Variants in TRPM4 observed in about 807,000 individuals in gnomAD.
The protein encoded by TRPM4 is calcium-activated non-selective cation channel 1.
TRPM4 carries 124 observed loss-of-function variants against 135.6 expected under a neutral mutation model. The observed-to-expected ratio is 0.91, with a 90% confidence interval of 0.79 to 1.06. TRPM4 has a LOEUF of 1.06. TRPM4 is among the 50% of genes least tolerant of loss of function. The probability of loss-of-function intolerance (pLI) is 0.00; values close to 1 mark genes in which losing one functional copy is unlikely to be tolerated. For synonymous variants in TRPM4, 745 were observed against 705.6 expected, an observed-to-expected ratio of 1.06 and a Z score of -0.88; for missense variants, 1,658 against 1,671.4, an observed-to-expected ratio of 0.99 and a Z score of 0.14.
At chr19:49,181,848 C>G (rs973378708) in intron 10 of TRPM4, among the ~76,000 whole-genome samples, 3 of 151,924 alleles carry the variant, frequency 2.0e-5, no homozygotes, top group African/African-American at 4.8e-5. Flanking sequence ...CCTTCTTAGA[C>G]GCCCCTCAAC....
chr19:49,200,868 A>T (rs1968903934), intron 19 of TRPM4, 83 bp downstream of exon 19: 1 of 1,450,576 alleles, frequency 6.9e-7, no homozygotes, highest in African/African-American at 1.4e-5. Flanking sequence ...CTCTAAGAAA[A>T]TATCTGTCTC....
chr19:49,208,956 CA>C (rs35021741), intron 20 of TRPM4, among the ~76,000 whole-genome samples: 3,542 of 103,896 alleles, frequency 0.034, 34 homozygotes, highest in Non-Finnish European at 0.041. Flanking sequence ...AAGACTCCAT[CA>C]AAAAAAAAAA....
At chr19:49,167,740 G>T in intron 3 of TRPM4, 177 bp from the exon 4 acceptor site, 1 of 594,456 alleles carries the variant, frequency 1.7e-6, no homozygotes, top group Admixed American at 2.5e-5. Flanking sequence ...CTCTCTCTGG[G>T]TCTCTGTCCC....
At chr19:49,182,443 T>TCCATCCAC in intron 10 of TRPM4, 135 bp from the exon 11 acceptor site, 1 of 686,342 alleles carries the variant, frequency 1.5e-6, no homozygotes, top group Admixed American at 2.1e-5. Context: ...CATTCATCCA[T>TCCATCCAC]CCATCCACCC....
intron 3 of TRPM4, among the ~76,000 whole-genome samples, chr19:49,167,378 C>T (rs1166109854): frequency 4.3e-5 from 5 of 116,060 alleles, no homozygotes; most frequent in Admixed American, 1.6e-4. Context: ...TCTCTGTCCC[C>T]GTCTCTCCGG....
Position 49,211,809 on chromosome 19 carries a change from C to T in TRPM4, c.*311C>T. ...CCTCACCACTCACAGATTCCTCACACTGGGGAAATAAAGCCATTTCAGAGG... is the reference window on the plus strand; with the variant it reads ...CCTCACCACTCACAGATTCCTCACATTGGGGAAATAAAGCCATTTCAGAGG... On this transcript the variant is annotated 3_prime_UTR_variant, in exon 25 of 25. Transcript: ENST00000252826. This position sits in a 1 kb window ranked among gnomAD's most constrained non-coding sequence, Gnocchi z 4.8. 1 of 502,732 alleles carries T rather than the reference C, an allele frequency of 2.0e-6. No individual in the cohort carries two copies. 31.1% of individuals were successfully genotyped at this position (502,732 alleles called of 1,614,324 possible).
At chr19:49,182,952 C>T (rs763560312) in intron 11 of TRPM4, 30 bp downstream of exon 11, 1 of 1,582,310 alleles carries the variant, frequency 6.3e-7, no homozygotes, top group Non-Finnish European at 8.6e-7. Flanking sequence ...GGGGGGCCCC[C>T]CCGCGCGGGA....
intron 12 of TRPM4, among the ~76,000 whole-genome samples, chr19:49,188,019 G>T (rs1968263089): frequency 6.6e-6 from 1 of 152,144 alleles, no homozygotes; most frequent in South Asian, 2.1e-4. Flanking sequence ...GGAGCAATTG[G>T]GGGAGCCAGA....
chr19:49,210,101 T>C lies in TRPM4; in HGVS notation c.3132-108T>C. ...AACCTCTGACTTTAGTGATCTTGAC[T>C]TCTGTCTGCTGCTATAGACTGAACA... On this transcript the variant is annotated intron_variant, in intron 20 of 24. Transcript: ENST00000252826. The surrounding 1 kb of genome is among the most constrained non-coding windows in gnomAD (Gnocchi z 4.1). 4 of 1,196,668 alleles carry C rather than the reference T, an allele frequency of 3.3e-6. No homozygotes were observed. Among genetic ancestry groups the C allele is most frequent in the Non-Finnish European group, 5.0e-6 (4 of 800,892 alleles). The allele number at this position is 1,196,668 out of a possible 1,614,324, so 74.1% of individuals were successfully genotyped here.
At position 49,190,205 on chromosome 19, in the gene TRPM4, C is replaced by T; in HGVS notation, c.2020-3C>T. The T allele has an allele frequency of 6.2e-7, 1 of 1,613,208 alleles. No individual in the cohort carries two copies. The highest frequency in any genetic ancestry group is 8.5e-7 in the Non-Finnish European group (1 of 1,179,154). Reference sequence around the variant, plus strand: ...GGATCCTAATCCTTCCCACCCCCCACAGTCTCTGCTGACACAGAAGTGGTG... The same window carrying T: ...GGATCCTAATCCTTCCCACCCCCCATAGTCTCTGCTGACACAGAAGTGGTG... On this transcript the variant is annotated splice_region_variant and splice_polypyrimidine_tract_variant and intron_variant, in intron 14 of 24. Coordinates refer to ENST00000252826, the MANE Select transcript of TRPM4 (RefSeq NM_017636.4).
chr19:49,210,694 C>T lies in TRPM4; in HGVS notation c.3329-16C>T. ...GGGGCGTGGCCTGAGCCCTTTGACT[C>T]CGCCCGCCCCTGCAGGGGTTTACCT... is the stretch of plus-strand genomic sequence containing the variant. On this transcript the variant is annotated splice_polypyrimidine_tract_variant and intron_variant, in intron 21 of 24. Coordinates refer to ENST00000252826, the MANE Select transcript of TRPM4 (RefSeq NM_017636.4). The surrounding 1 kb of genome is among the most constrained non-coding windows in gnomAD (Gnocchi z 4.1). 6.2e-7 allele frequency: 1 copy of T among 1,613,798 alleles called. No homozygotes were observed. Among genetic ancestry groups the T allele is most frequent in the Non-Finnish European group, 8.5e-7 (1 of 1,179,976 alleles).
At chr19:49,161,328 T>C (rs1349479671) in intron 2 of TRPM4, among the ~76,000 whole-genome samples, 4 of 85,878 alleles carry the variant, frequency 4.7e-5, no homozygotes, top group East Asian at 2.2e-4. Flanking sequence ...TCTCTCTTTT[T>C]TTTTTTTTTT....
At chr19:49,194,258 C>T (rs1305018836) in intron 16 of TRPM4, among the ~76,000 whole-genome samples, 1 of 152,034 alleles carries the variant, frequency 6.6e-6, no homozygotes, top group Non-Finnish European at 1.5e-5. Context: ...TTCTCCTTCT[C>T]CTTTCTTCTT....
intron 20 of TRPM4, among the ~76,000 whole-genome samples, chr19:49,202,971 A>T (rs1036179657): frequency 6.8e-6 from 1 of 147,748 alleles, no homozygotes; most frequent in African/African-American, 2.5e-5. Context: ...GCTCACTACA[A>T]GCTCCGCCAC....
chr19:49,181,494 T>A, intron 10 of TRPM4, 33 bp downstream of exon 10: 1 of 1,430,152 alleles, frequency 7.0e-7, no homozygotes. Context: ...TTGGGCATAC[T>A]GACAAAGGGA....
rs1165780068 is a variant in TRPM4, at chr19:49,196,767, G to A, written c.2538G>A (p.Gly846=). ...GCAGCCTCGCCAGCGGGGGCCCCGG[G>A]CCTGGCCATGCCTCACTGAGCCAGC... is the stretch of plus-strand genomic sequence containing the variant. ...GGGSLASGGP[G]PGHASLSQRL... The change falls in exon 17 of 25, where the codon GGG becomes GGA. Residue 846 remains glycine, a synonymous_variant. Transcript: ENST00000252826. 6.4e-7 allele frequency: 1 copy of A among 1,556,840 alleles called. No individual in the cohort carries two copies. Among genetic ancestry groups the A allele is most frequent in the Admixed American group, 1.9e-5 (1 of 53,814 alleles).
Position 49,190,769 on chromosome 19 carries a change from G to C in TRPM4, c.2206G>C (p.Val736Leu). The change falls in exon 16 of 25, where the codon GTC (valine) becomes CTC (leucine). Residue 736 changes from valine (V) to leucine (L), a missense_variant. Val to Leu is a conservative substitution (Grantham distance 32). Transcript: ENST00000252826. The stretch of plus-strand genomic sequence containing the variant: ...TAGTGTCATTAATGGGGAAGGGCCT[G>C]TCGGGTGAGTGGAGCCTCCAGCACT... ...MDSVINGEGP[V>L]GTADPAEKTP... The C allele has an allele frequency of 6.2e-7, 1 of 1,614,152 alleles. No individual in the cohort carries two copies. Among genetic ancestry groups the C allele is most frequent in the South Asian group, 1.1e-5 (1 of 91,084 alleles).
chr19:49,202,481 C>T (rs544093687), intron 20 of TRPM4, among the ~76,000 whole-genome samples: 1 of 151,962 alleles, frequency 6.6e-6, no homozygotes, highest in Non-Finnish European at 1.5e-5. Context: ...GTAGCTGGGA[C>T]TACTTAAAAT....
intron 20 of TRPM4, among the ~76,000 whole-genome samples, chr19:49,204,011 T>C (rs6509421): frequency 0.23 from 34,732 of 152,050 alleles, 7,347 homozygotes; most frequent in African/African-American, 0.57. Context: ...TTCCAGCTAC[T>C]TGGGAGGCTC....
Sources: gnomAD v4.1 joint callset for allele counts (sites outside exome capture counted in the v4.1 genomes callset) on GRCh38, gnomAD v4.1.1 for gene constraint, Gnocchi (gnomAD v3.1) non-coding constraint, MANE v1.5 for transcripts, NCBI Gene and HGNC (gene_info 2026-07-23, HGNC 2026-07-21) for gene names.